Variants in DTNB observed in about 807,000 individuals in gnomAD.
DTNB encodes DTN-B.
Under a neutral mutation model 90.7 loss-of-function variants are expected in DTNB, and 63 were observed. The observed-to-expected ratio is 0.69, with a 90% confidence interval of 0.57 to 0.86. The LOEUF (loss-of-function observed/expected upper bound fraction) is 0.86. Ranked by LOEUF, DTNB falls within the 40% of genes least tolerant of loss-of-function variation. The pLI is 0.00. For synonymous variants in DTNB, 277 were observed against 286.7 expected (o/e 0.97, Z 0.34); for missense variants, 744 against 807.1 (o/e 0.92, Z 0.95).
intron 10 of DTNB, among the ~76,000 whole-genome samples, chr2:25,465,162 G>T (rs909808247): frequency 6.6e-6 from 1 of 152,132 alleles, no homozygotes; most frequent in African/African-American, 2.4e-5. Context: ...ATCACCTGAG[G>T]TCAGGAGTTT....
chr2:25,436,392 C>A (rs1348009630), intron 12 of DTNB, among the ~76,000 whole-genome samples: 1 of 151,868 alleles, frequency 6.6e-6, no homozygotes, highest in African/African-American at 2.4e-5. Context: ...GGTGGTGGCT[C>A]CCTTTTATTG....
chr2:25,432,935 C>T lies in DTNB; in HGVS notation c.1408G>A (p.Glu470Lys). 6.2e-7 allele frequency: 1 copy of T among 1,611,168 alleles called. No individual in the cohort carries two copies. Among genetic ancestry groups the T allele is most frequent in the East Asian group, 2.2e-5 (1 of 44,874 alleles). Residue 470 changes from glutamate (E) to lysine (K), a missense_variant, in exon 14 of 21, where the codon GAG becomes AAG. Glu to Lys is a moderately conservative substitution (Grantham distance 56). Transcript: ENST00000406818. ...EHEQASQPTP[E>K]KAQQNPTLLA... ...AGCGTGGGGTTCTGCTGTGCCTTCT[C>T]AGGGGTGGGCTGGGAGGCCTGCTCG...
chr2:25,579,172 A>G (rs1432806642), intron 7 of DTNB, among the ~76,000 whole-genome samples: 1 of 152,218 alleles, frequency 6.6e-6, no homozygotes, highest in Non-Finnish European at 1.5e-5. Flanking sequence ...ATGAAAATCA[A>G]TTGGACATAA....
intron 19 of DTNB, among the ~76,000 whole-genome samples, chr2:25,382,820 C>T (rs1292612201): frequency 1.3e-5 from 2 of 152,204 alleles, no homozygotes; most frequent in South Asian, 4.2e-4. Context: ...TGAGCCACCA[C>T]GTCTGGCCTA....
chr2:25,615,157 C>T (rs1287421336), intron 4 of DTNB, among the ~76,000 whole-genome samples: 1 of 152,158 alleles, frequency 6.6e-6, no homozygotes, highest in Non-Finnish European at 1.5e-5. Context: ...ATAAAAGATA[C>T]AGATGAACAG....
intron 9 of DTNB, among the ~76,000 whole-genome samples, chr2:25,491,137 G>GCACA (rs368677624): frequency 0.018 from 2,519 of 139,986 alleles, 83 homozygotes; most frequent in African/African-American, 0.058. Flanking sequence ...TGTTATATGA[G>GCACA]CACACACACA....
intron 10 of DTNB, among the ~76,000 whole-genome samples, chr2:25,458,894 C>T (rs1299006623): frequency 6.6e-6 from 1 of 152,144 alleles, no homozygotes; most frequent in African/African-American, 2.4e-5. Context: ...ATCCGCCTGC[C>T]TCGGCCTCCC....
rs766624173 is a variant in DTNB at position 25,383,926 on chromosome 2, G to A, written c.1826-37C>T. On this transcript the variant is annotated intron_variant, in intron 18 of 20. Transcript: ENST00000406818. Reference sequence around the variant, plus strand: ...AGTCCAAGGAGGCCAGTGACCCTTCGGCACAGGACAAGTACAGAAGGAGGG... The same window carrying A: ...AGTCCAAGGAGGCCAGTGACCCTTCAGCACAGGACAAGTACAGAAGGAGGG... The A allele has an allele frequency of 5.4e-5, 87 of 1,613,812 alleles. No homozygotes were observed. In the East Asian group the frequency reaches 6.9e-4, roughly 13 times the overall value.
chr2:25,485,163 T>C (rs1180608478), intron 9 of DTNB, among the ~76,000 whole-genome samples: 1 of 152,128 alleles, frequency 6.6e-6, no homozygotes, highest in Non-Finnish European at 1.5e-5. Context: ...ACCTGCTATA[T>C]ATATATTTTT....
At chr2:25,594,332 G>A (rs940625952) in intron 6 of DTNB, among the ~76,000 whole-genome samples, 1 of 152,202 alleles carries the variant, frequency 6.6e-6, no homozygotes, top group Non-Finnish European at 1.5e-5. Context: ...AGTGCATAGA[G>A]GCAAATCTGC....
chr2:25,431,038 C>G (rs746732724), intron 14 of DTNB, among the ~76,000 whole-genome samples: 1 of 152,162 alleles, frequency 6.6e-6, no homozygotes, highest in Non-Finnish European at 1.5e-5. Flanking sequence ...CAAAACCAGA[C>G]AGATGTCAGA....
At chr2:25,399,361 T>C (rs1190685677) in intron 16 of DTNB, 1 of 149,594 alleles carries the variant, frequency 6.7e-6, no homozygotes, top group East Asian at 2.0e-4. Flanking sequence ...TTTTTTTTTT[T>C]TTTAGACAGG....
chr2:25,418,698 CAAA>C (rs565809547), intron 16 of DTNB, among the ~76,000 whole-genome samples: 1 of 83,570 alleles, frequency 1.2e-5, no homozygotes, highest in Non-Finnish European at 2.5e-5. Context: ...GACACCGTCT[CAAA>C]AAAAAAAAAA....
chr2:25,539,834 G>A (rs2080783560), intron 8 of DTNB, among the ~76,000 whole-genome samples: 1 of 151,782 alleles, frequency 6.6e-6, no homozygotes, highest in African/African-American at 2.4e-5. Flanking sequence ...CGTCTAAAAC[G>A]TTTTATACTC....
chr2:25,541,574 A>G (rs553933358), intron 8 of DTNB, among the ~76,000 whole-genome samples: 18 of 152,252 alleles, frequency 1.2e-4, no homozygotes, highest in Admixed American at 9.8e-4. Flanking sequence ...GTTGTTGCGC[A>G]ACCAATCTCA....
At chr2:25,553,698 C>T (rs1032062308) in intron 8 of DTNB, among the ~76,000 whole-genome samples, 1 of 148,886 alleles carries the variant, frequency 6.7e-6, no homozygotes, top group Non-Finnish European at 1.5e-5. Context: ...TGAGATGGCG[C>T]CACTGCACTC....
At position 25,387,407 on chromosome 2, in the gene DTNB, C is replaced by A. The variant is rs777990817; in HGVS notation, c.1736-29G>T. On this transcript the variant is annotated intron_variant, in intron 17 of 20. Transcript: ENST00000406818. The surrounding 1 kb of genome is among the most constrained non-coding windows in gnomAD (Gnocchi z 4.5). ...AGGAGAGGCAGAGCAGATGGGGATGCCAGGGTGGGTGAGCGTGGAGAAGAG... is the reference window on the plus strand; with the variant it reads ...AGGAGAGGCAGAGCAGATGGGGATGACAGGGTGGGTGAGCGTGGAGAAGAG... The A allele has an allele frequency of 6.2e-7, 1 of 1,602,292 alleles. No individual in the cohort carries two copies. Among genetic ancestry groups the A allele is most frequent in the Non-Finnish European group, 8.5e-7 (1 of 1,171,256 alleles).
chr2:25,602,568 C>T (rs1020698526), intron 5 of DTNB, among the ~76,000 whole-genome samples: 6 of 152,196 alleles, frequency 3.9e-5, no homozygotes, highest in African/African-American at 1.4e-4. Flanking sequence ...GGCCCTTCTA[C>T]AGTCTGCTAA....
intron 3 of DTNB, among the ~76,000 whole-genome samples, chr2:25,636,823 G>C (rs948460666): frequency 1.3e-5 from 2 of 150,840 alleles, no homozygotes; most frequent in African/African-American, 4.9e-5. Flanking sequence ...AGCATTAATG[G>C]GTAACAACTC....
Sources: gnomAD v4.1 joint callset for allele counts (sites outside exome capture counted in the v4.1 genomes callset) on GRCh38, gnomAD v4.1.1 for gene constraint, Gnocchi (gnomAD v3.1) non-coding constraint, MANE v1.5 for transcripts, NCBI Gene and HGNC (gene_info 2026-07-23, HGNC 2026-07-21) for gene names.